KIF6: variants seen among roughly 807,000 people sequenced by gnomAD.
KIF6 encodes the protein kinesin family member 6, also known as kinesin-like protein KIF6.
KIF6 carries 106 observed loss-of-function variants against 112.7 expected under a neutral mutation model. The observed-to-expected ratio is 0.94, with a 90% CI of 0.80 to 1.11. The LOEUF (loss-of-function observed/expected upper bound fraction) is 1.11, where lower values mean the gene tolerates loss of function less well. Ranked by LOEUF, KIF6 falls within the 50% of genes least tolerant of loss-of-function variation. The pLI, the probability that KIF6 is intolerant of heterozygous loss-of-function variation, is 0.00. For synonymous variants in KIF6, 339 were observed against 339.9 expected (o/e 1.00, Z 0.03); for missense variants, 929 against 964.0 (o/e 0.96, Z 0.48).
chr6:39,546,724 G>A (rs1453261326), intron 10 of KIF6, among the ~76,000 whole-genome samples: 1 of 151,944 alleles, frequency 6.6e-6, no homozygotes, highest in African/African-American at 2.4e-5. Flanking sequence ...TACTTAGGAG[G>A]CTGAGGCAGG....
chr6:39,718,582 C>CAAA (rs34471947), intron 2 of KIF6: 40 of 147,396 alleles, frequency 2.7e-4, no homozygotes, highest in East Asian at 6.1e-4. Flanking sequence ...CAGTCTCTAC[C>CAAA]AAAAAAAAAA....
At chr6:39,522,186 T>C (rs565590441) in intron 13 of KIF6, among the ~76,000 whole-genome samples, 1 of 152,348 alleles carries the variant, frequency 6.6e-6, no homozygotes, top group East Asian at 1.9e-4. Flanking sequence ...TCTCCCACAA[T>C]GTAAATATCA....
intron 13 of KIF6, among the ~76,000 whole-genome samples, chr6:39,519,408 A>T (rs1777256732): frequency 6.6e-6 from 1 of 152,254 alleles, no homozygotes; most frequent in South Asian, 2.1e-4. Context: ...AGGTGGATAC[A>T]GCAGCACCAG....
chr6:39,413,558 T>C (rs1769649898), intron 15 of KIF6, among the ~76,000 whole-genome samples: 1 of 152,132 alleles, frequency 6.6e-6, no homozygotes, highest in Non-Finnish European at 1.5e-5. Flanking sequence ...CGATCATTCG[T>C]CCCTCCAATG....
chr6:39,656,542 A>G (rs1785794619), intron 3 of KIF6, among the ~76,000 whole-genome samples: 1 of 152,214 alleles, frequency 6.6e-6, no homozygotes, highest in South Asian at 2.1e-4. Flanking sequence ...ATAACCTGGA[A>G]TATTTCTCAC....
chr6:39,602,611 A>G (rs1033582387), intron 6 of KIF6, among the ~76,000 whole-genome samples: 1 of 152,190 alleles, frequency 6.6e-6, no homozygotes, highest in Admixed American at 6.6e-5. Context: ...AAAATCTTCA[A>G]ATAATTCTGT....
chr6:39,374,276 GA>G (rs1766256511), intron 16 of KIF6, among the ~76,000 whole-genome samples: 5 of 151,904 alleles, frequency 3.3e-5, no homozygotes, highest in Admixed American at 3.3e-4. Context: ...AAAACTACCA[GA>G]AAAAAACATA....
intron 2 of KIF6, among the ~76,000 whole-genome samples, chr6:39,716,985 A>G (rs966252035): frequency 1.2e-4 from 18 of 152,130 alleles, no homozygotes; most frequent in Admixed American, 1.2e-3. Context: ...CCAGAATTCA[A>G]TTATTTCTCA....
intron 19 of KIF6, among the ~76,000 whole-genome samples, chr6:39,347,652 A>G (rs1253797426): frequency 3.3e-5 from 5 of 152,188 alleles, no homozygotes; most frequent in Non-Finnish European, 5.9e-5. Context: ...CACTCTGGGG[A>G]CACTTGGGCT....
At chr6:39,503,767 C>T (rs1023790512) in intron 13 of KIF6, among the ~76,000 whole-genome samples, 14 of 150,018 alleles carry the variant, frequency 9.3e-5, no homozygotes, top group African/African-American at 2.9e-4. Flanking sequence ...CCTCTTAAGA[C>T]TGAACCAGGA....
intron 13 of KIF6, among the ~76,000 whole-genome samples, chr6:39,526,482 G>A (rs573825933): frequency 6.6e-6 from 1 of 152,194 alleles, no homozygotes; most frequent in Non-Finnish European, 1.5e-5. Flanking sequence ...GCTCATAAAT[G>A]GTGACTTCAA....
intron 13 of KIF6, among the ~76,000 whole-genome samples, chr6:39,500,792 C>T (rs941276058): frequency 6.6e-6 from 1 of 151,728 alleles, no homozygotes; most frequent in Non-Finnish European, 1.5e-5. Flanking sequence ...AAGCAGAGAG[C>T]CAGAAGTAGA....
chr6:39,513,151 C>T (rs1776871632), intron 13 of KIF6, among the ~76,000 whole-genome samples: 1 of 152,122 alleles, frequency 6.6e-6, no homozygotes, highest in African/African-American at 2.4e-5. Flanking sequence ...GCTAGTGTTC[C>T]CATCTGAGTT....
At chr6:39,722,371 A>G (rs768417612) in intron 1 of KIF6, among the ~76,000 whole-genome samples, 10 of 152,206 alleles carry the variant, frequency 6.6e-5, no homozygotes, top group Non-Finnish European at 1.2e-4. Context: ...GTTTAGTGTA[A>G]TATTGGCTTT....
intron 3 of KIF6, among the ~76,000 whole-genome samples, chr6:39,673,725 C>T (rs1786972771): frequency 6.6e-6 from 1 of 152,100 alleles, no homozygotes; most frequent in Non-Finnish European, 1.5e-5. Context: ...TAAAATGCTT[C>T]AAAGAGGAAA....
chr6:39,450,477 C>T (rs1772618416), intron 13 of KIF6, among the ~76,000 whole-genome samples: 1 of 152,096 alleles, frequency 6.6e-6, no homozygotes, highest in Non-Finnish European at 1.5e-5. Flanking sequence ...ATGGCTTGCC[C>T]ATTGAAGAAA....
chr6:39,560,323 C>G (rs766388396), intron 10 of KIF6, among the ~76,000 whole-genome samples: 2 of 152,188 alleles, frequency 1.3e-5, no homozygotes, highest in African/African-American at 4.8e-5. Context: ...GATTTTAAAG[C>G]TAATAATTCA....
At chr6:39,553,993 C>T in intron 10 of KIF6, 2 of 155,278 alleles carry the variant, frequency 1.3e-5, no homozygotes, top group Middle Eastern at 1.5e-3. Flanking sequence ...AGGTTTACAG[C>T]ATTACCAATG....
intron 22 of KIF6, among the ~76,000 whole-genome samples, chr6:39,337,004 TTCCC>T (rs1254384891): frequency 4.6e-4 from 65 of 142,814 alleles, no homozygotes; most frequent in South Asian, 3.8e-3. Context: ...CCTTCCTTTC[TTCCC>T]TCCCTCCCTC....
Sources: allele counts gnomAD v4.1 joint callset (sites outside exome capture counted in the v4.1 genomes callset), GRCh38; gene constraint gnomAD v4.1.1; transcripts MANE v1.5; gene names NCBI Gene and HGNC (gene_info 2026-07-23, HGNC 2026-07-21).